The following RGL1 variants were observed in gnomAD, a reference collection of about 807,000 sequenced individuals.
RGL1 encodes ral guanine nucleotide dissociation stimulator like 1.
A neutral mutation model predicts 95.2 loss-of-function variants in RGL1; 24 were observed. The ratio of observed to expected loss-of-function variants is 0.25; its 90% confidence interval spans 0.18 to 0.35. The LOEUF is 0.35. Ranked by LOEUF, RGL1 falls within the 10% of genes least tolerant of loss-of-function variation. The probability of loss-of-function intolerance (pLI) is 1.00; values close to 1 mark genes in which losing one functional copy is unlikely to be tolerated. For missense variants in RGL1, 715 were observed against 936.3 expected (o/e 0.76, Z 3.08); for synonymous variants, 329 against 344.9 (o/e 0.95, Z 0.51).
intron 2 of RGL1, among the ~76,000 whole-genome samples, chr1:183,810,960 A>G (rs1048536785): frequency 3.3e-5 from 5 of 152,192 alleles, no homozygotes; most frequent in East Asian, 3.9e-4. Flanking sequence ...GCTTGCAACC[A>G]TGGCCATCTA....
At chr1:183,765,478 A>G (rs1658915785) in intron 2 of RGL1, among the ~76,000 whole-genome samples, 1 of 152,262 alleles carries the variant, frequency 6.6e-6, no homozygotes, top group South Asian at 2.1e-4. Context: ...AGACTCTGAG[A>G]AACAAAACAA....
At chr1:183,840,651 C>T (rs1412569187) in intron 2 of RGL1, among the ~76,000 whole-genome samples, 1 of 151,642 alleles carries the variant, frequency 6.6e-6, no homozygotes, top group East Asian at 1.9e-4. Context: ...TCGCTTGAGT[C>T]CAGGAGTTTG....
chr1:183,752,674 TTCTCTCTCTCTCTC>T (rs71130636), intron 2 of RGL1, among the ~76,000 whole-genome samples: 1 of 31,316 alleles, frequency 3.2e-5, no homozygotes, highest in Non-Finnish European at 5.9e-5. Flanking sequence ...CTTTCTCTCT[TTCTCTCTCTCTCTC>T]TCTCTCTCTC....
intron 2 of RGL1, among the ~76,000 whole-genome samples, chr1:183,828,957 T>C (rs1397220983): frequency 6.6e-6 from 1 of 152,214 alleles, no homozygotes; most frequent in East Asian, 1.9e-4. Flanking sequence ...AGCAGATGAC[T>C]TTACTTCAGT....
At chr1:183,636,803 G>T (rs1214379399) in intron 1 of RGL1, among the ~76,000 whole-genome samples, 1 of 152,220 alleles carries the variant, frequency 6.6e-6, no homozygotes, top group Non-Finnish European at 1.5e-5. Context: ...TTTCTGGAAT[G>T]TAGGAGATAA....
chr1:183,646,076 G>A (rs1558130561), intron 1 of RGL1, among the ~76,000 whole-genome samples: 1 of 152,132 alleles, frequency 6.6e-6, no homozygotes, highest in African/African-American at 2.4e-5. Flanking sequence ...CAACAAATTG[G>A]ATCTATTTTA....
rs932983224 is a variant in RGL1, at chr1:183,818,097, CT to C, written c.138+11615del. 4.0e-4 allele frequency among the ~76,000 whole-genome samples: 61 copies of C among 152,176 alleles called. 1 individual carries two copies. The highest frequency in any genetic ancestry group is 2.4e-3 in the Admixed American group (36 of 15,282). ...GCTCGAGGGATAAAGGCTTGTAAAA[CT>C]TTAGATGACTGGGATAAAAAGTGCT... On this transcript the variant is annotated intron_variant, in intron 2 of 17. Transcript: ENST00000360851.
intron 1 of RGL1, among the ~76,000 whole-genome samples, chr1:183,685,218 A>G (rs1352884931): frequency 5.3e-5 from 8 of 152,194 alleles, no homozygotes; most frequent in African/African-American, 1.2e-4. Context: ...AATTTTGCTA[A>G]TAACAAAGAT....
chr1:183,668,019 G>GTGTA (rs1558144087), intron 1 of RGL1, among the ~76,000 whole-genome samples: 1 of 109,144 alleles, frequency 9.2e-6, no homozygotes, highest in African/African-American at 2.9e-5. Context: ...GTGTGTGTGT[G>GTGTA]TGTGTGTCTG....
intron 2 of RGL1, among the ~76,000 whole-genome samples, chr1:183,826,371 A>C (rs1419715759): frequency 6.6e-6 from 1 of 152,152 alleles, no homozygotes; most frequent in Non-Finnish European, 1.5e-5. Context: ...ACCACTGTCT[A>C]ATATACCTTT....
intron 16 of RGL1, among the ~76,000 whole-genome samples, chr1:183,918,848 G>A (rs1164167827): frequency 2.0e-5 from 3 of 152,208 alleles, no homozygotes; most frequent in South Asian, 4.1e-4. Flanking sequence ...CACTGCTCTC[G>A]TGCTCTCATT....
At chr1:183,906,478 AAT>A (rs369809908) in intron 13 of RGL1, among the ~76,000 whole-genome samples, 18 of 150,370 alleles carry the variant, frequency 1.2e-4, no homozygotes, top group East Asian at 3.9e-4. Context: ...AAAATAAATA[AAT>A]ATATATATAT....
At chr1:183,710,908 C>T (rs1486046136) in intron 1 of RGL1, among the ~76,000 whole-genome samples, 1 of 152,200 alleles carries the variant, frequency 6.6e-6, no homozygotes, top group Non-Finnish European at 1.5e-5. Flanking sequence ...AAATCCCTTG[C>T]TTATCTGGGT....
At chr1:183,890,825 C>G (rs1347069001) in intron 8 of RGL1, among the ~76,000 whole-genome samples, 2 of 151,988 alleles carry the variant, frequency 1.3e-5, no homozygotes, top group African/African-American at 2.4e-5. Context: ...ACGGTAGGGT[C>G]CCAGGGTGAT....
chr1:183,683,708 G>A (rs1397233061), intron 1 of RGL1, among the ~76,000 whole-genome samples: 1 of 152,116 alleles, frequency 6.6e-6, no homozygotes, highest in Non-Finnish European at 1.5e-5. Context: ...TTGAATGTTA[G>A]CCTGTCTTGC....
At chr1:183,842,663 A>G (rs1664142629) in intron 2 of RGL1, among the ~76,000 whole-genome samples, 1 of 152,220 alleles carries the variant, frequency 6.6e-6, no homozygotes, top group Non-Finnish European at 1.5e-5. Flanking sequence ...CAGTAAAGCG[A>G]CGGTCTATGA....
rs368111873 is a variant in RGL1, at chr1:183,648,649, G to A, written c.-33+12148G>A. 5.2e-5 allele frequency: 84 copies of A among 1,614,056 alleles called. No homozygotes were observed. Among genetic ancestry groups the A allele is most frequent in the Non-Finnish European group, 5.0e-5 (59 of 1,180,024 alleles). On this transcript the variant is annotated intron_variant, in intron 1 of 18. Transcript: ENST00000304685. Reference sequence around the variant, plus strand: ...CCAAAAATCTGACAAAATTCTGTGAGGGAAACTCTTGCTTCTTCACCTGTT... The same window carrying A: ...CCAAAAATCTGACAAAATTCTGTGAAGGAAACTCTTGCTTCTTCACCTGTT...
At chr1:183,648,419 A>G in intron 1 of RGL1, 1 of 1,614,230 alleles carries the variant, frequency 6.2e-7, no homozygotes. Flanking sequence ...AGTTGTTGGA[A>G]TACAGAATGA....
intron 1 of RGL1, among the ~76,000 whole-genome samples, chr1:183,663,590 T>C (rs894534867): frequency 3.3e-5 from 5 of 151,922 alleles, no homozygotes; most frequent in African/African-American, 1.2e-4. Flanking sequence ...TGTGGAGAAA[T>C]TGGAACACTT....
Sources: gnomAD v4.1 joint callset for allele counts (sites outside exome capture counted in the v4.1 genomes callset) on GRCh38, gnomAD v4.1.1 for gene constraint, MANE v1.5 for transcripts, NCBI Gene and HGNC (gene_info 2026-07-23, HGNC 2026-07-21) for gene names.